DMD: variants seen among roughly 807,000 people sequenced by gnomAD.
The protein encoded by DMD is mutant dystrophin.
Under a neutral mutation model 330.1 loss-of-function variants are expected in DMD, and 63 were observed. The ratio of observed to expected loss-of-function variants is 0.19; its 90% confidence interval spans 0.16 to 0.24. The LOEUF (loss-of-function observed/expected upper bound fraction) is 0.24. Among genes scored for constraint, DMD ranks in the 10% least tolerant of loss-of-function variants. The pLI is 1.00. For missense variants in DMD, 3,344 were observed against 2,684.1 expected, an observed-to-expected ratio of 1.25 and a Z score of -5.43; for synonymous variants, 1,223 against 959.8, an observed-to-expected ratio of 1.27 and a Z score of -5.07.
intron 59 of DMD, among the ~76,000 whole-genome samples, chrX:31,459,206 A>AAGAAACT (rs2066379879): frequency 8.9e-6 from 1 of 111,944 alleles, no homozygotes; most frequent in Non-Finnish European, 1.9e-5. Context: ...GGGGGCAGAT[A>AAGAAACT]AGAAACTTAA....
At chrX:32,152,663 G>A (rs919686887) in intron 44 of DMD, among the ~76,000 whole-genome samples, 24 of 111,541 alleles carry the variant, frequency 2.2e-4, no homozygotes, top group South Asian at 1.5e-3. Context: ...TTAAACATTT[G>A]TTTTAAGATC....
In DMD at chrX:32,463,472, T is replaced by G; in HGVS notation, c.3399A>C (p.Glu1133Asp). 1 of 1,208,176 alleles carries G rather than the reference T, an allele frequency of 8.3e-7. No individual in the cohort carries two copies. Among genetic ancestry groups the G allele is most frequent in the South Asian group, 1.8e-5 (1 of 56,091 alleles). Residue 1133 changes from glutamate to aspartate, a missense_variant, in exon 25 of 79, where the codon GAA (glutamate) becomes GAC (aspartate). Coordinates refer to ENST00000357033, the MANE Select transcript of DMD (RefSeq NM_004006.3). ...ACATGTGATCCCACTGAGTGTTAAG[T>G]TCTTTGAGTTCTGTCTCAAGTCTCG... The part of the protein sequence containing the change: ...FASRLETELK[E>D]LNTQWDHMCQ...
intron 21 of DMD, among the ~76,000 whole-genome samples, chrX:32,480,596 T>C (rs2041782070): frequency 9.0e-6 from 1 of 111,619 alleles, no homozygotes; most frequent in African/African-American, 3.2e-5. Context: ...ACAGTATGTG[T>C]CTGTGTGTGT....
chrX:32,705,299 C>T (rs1409366944), intron 7 of DMD, among the ~76,000 whole-genome samples: 1 of 112,042 alleles, frequency 8.9e-6, no homozygotes, highest in Non-Finnish European at 1.9e-5. Flanking sequence ...AGTAACAATG[C>T]TTCTCATTAA....
intron 13 of DMD, among the ~76,000 whole-genome samples, chrX:32,595,475 G>A (rs1248632701): frequency 1.8e-5 from 2 of 111,132 alleles, no homozygotes; most frequent in Non-Finnish European, 3.8e-5. Context: ...TTTTTAACCA[G>A]TAACCTCCCT....
chrX:31,201,826 A>G (rs1295559499), intron 67 of DMD, among the ~76,000 whole-genome samples: 1 of 112,300 alleles, frequency 8.9e-6, no homozygotes, highest in African/African-American at 3.2e-5. Context: ...CCAAGTCACA[A>G]TGCACACACA....
intron 18 of DMD, among the ~76,000 whole-genome samples, chrX:32,511,739 T>C (rs779275528): frequency 3.6e-5 from 4 of 110,528 alleles, no homozygotes; most frequent in Non-Finnish European, 7.5e-5. Flanking sequence ...TGTTTTTCTA[T>C]AGAGCTGTTT....
intron 47 of DMD, among the ~76,000 whole-genome samples, chrX:31,896,060 G>C (rs1192128893): frequency 1.8e-5 from 2 of 111,967 alleles, no homozygotes; most frequent in African/African-American, 3.2e-5. Flanking sequence ...CCCTGAAAAA[G>C]TTTGGGTGAT....
rs746060424 is a variant in DMD at position 32,427,980 on chromosome X, TG to T, written c.4071+10260del. On this transcript the variant is annotated intron_variant, in intron 29 of 78. Transcript: ENST00000357033. ...ATTTTCATCCTTAAGATTTTATATT[TG>T]TTTTTACTTCCCTCTCAGTTGATTT... 3.4e-3 allele frequency among the ~76,000 whole-genome samples: 379 copies of T among 111,549 alleles called. 3 individuals carry two copies. The highest frequency in any genetic ancestry group is 0.012 in the African/African-American group (365 of 30,690).
chrX:32,503,257 G>A (rs1414131778), intron 18 of DMD, among the ~76,000 whole-genome samples: 1 of 111,380 alleles, frequency 9.0e-6, no homozygotes, highest in East Asian at 2.8e-4. Context: ...CGTGGTGACA[G>A]GAGCCTGTAG....
At chrX:32,468,122 A>G (rs1401549677) in intron 23 of DMD, among the ~76,000 whole-genome samples, 1 of 110,340 alleles carries the variant, frequency 9.1e-6, no homozygotes, top group East Asian at 2.8e-4. Context: ...AATGATTACA[A>G]TATACCTCTG....
At chrX:32,785,919 C>T (rs2075312892) in intron 7 of DMD, among the ~76,000 whole-genome samples, 1 of 110,792 alleles carries the variant, frequency 9.0e-6, no homozygotes, top group African/African-American at 3.3e-5. Flanking sequence ...TACTCAAATG[C>T]CCAATCGTTA....
intron 44 of DMD, among the ~76,000 whole-genome samples, chrX:32,134,759 A>G (rs986239648): frequency 1.1e-4 from 12 of 111,682 alleles, no homozygotes; most frequent in Non-Finnish European, 1.9e-4. Context: ...TCAGATGAAT[A>G]AAGAGAAATT....
At chrX:32,042,528 C>A (rs1209067324) in intron 44 of DMD, among the ~76,000 whole-genome samples, 1 of 111,287 alleles carries the variant, frequency 9.0e-6, no homozygotes, top group Non-Finnish European at 1.9e-5. Context: ...CCTGGTCTCT[C>A]CCTTGACACA....
chrX:32,887,436 A>C (rs767123018), intron 2 of DMD, among the ~76,000 whole-genome samples: 1 of 109,861 alleles, frequency 9.1e-6, no homozygotes, highest in East Asian at 2.9e-4. Context: ...TACAGGTAAA[A>C]CCTGAAACTA....
At chrX:32,381,769 T>C (rs1327478137) in intron 33 of DMD, among the ~76,000 whole-genome samples, 1 of 111,389 alleles carries the variant, frequency 9.0e-6, no homozygotes, top group African/African-American at 3.3e-5. Context: ...GGTTTTCTTT[T>C]CTTTGGTATG....
At chrX:32,346,103 GTCT>G in intron 38 of DMD, 23 bp from the exon 39 acceptor site, 2 of 1,206,338 alleles carry the variant, frequency 1.7e-6, no homozygotes, top group Non-Finnish European at 2.2e-6. Flanking sequence ...AACAAGTACA[GTCT>G]TCATTTTGGT....
At chrX:32,768,242 C>A (rs1468460795) in intron 7 of DMD, among the ~76,000 whole-genome samples, 1 of 112,184 alleles carries the variant, frequency 8.9e-6, no homozygotes, top group Admixed American at 9.5e-5. Flanking sequence ...AATAACAAGA[C>A]TGAAATTAGA....
At chrX:32,567,823 T>G (rs2051912929) in intron 15 of DMD, among the ~76,000 whole-genome samples, 1 of 112,446 alleles carries the variant, frequency 8.9e-6, no homozygotes, top group Non-Finnish European at 1.9e-5. Context: ...GAGAGCCATA[T>G]TTGAATTTCA....
Sources: allele counts gnomAD v4.1 joint callset (sites outside exome capture counted in the v4.1 genomes callset), GRCh38; gene constraint gnomAD v4.1.1; transcripts MANE v1.5; gene names NCBI Gene and HGNC (gene_info 2026-07-23, HGNC 2026-07-21).